RIOK1: variants seen among roughly 807,000 people sequenced by gnomAD.
RIOK1 encodes the protein RIO kinase 1.
Under a neutral mutation model 73.5 loss-of-function variants are expected in RIOK1, and 66 were observed. The ratio of observed to expected loss-of-function variants is 0.90; its 90% CI spans 0.74 to 1.10. The LOEUF is 1.10. Among genes scored for constraint, RIOK1 ranks in the 50% least tolerant of loss-of-function variants. RIOK1 has a pLI of 0.00. For missense variants in RIOK1, 658 were observed against 699.8 expected (o/e 0.94, Z 0.67); for synonymous variants, 224 against 226.8 (o/e 0.99, Z 0.11).
Position 7,404,352 on chromosome 6 carries a change from T to G in RIOK1, c.855-66T>G, listed in dbSNP as rs1293769084. ...ATGAGTTGTAGAAGAGAAGGGCATG[T>G]AACAGTATAGTAAGAAGCAAGAAAA... On this transcript the variant is annotated intron_variant, in intron 9 of 16. Transcript: ENST00000379834. 3 of 1,567,834 alleles carry G rather than the reference T, an allele frequency of 1.9e-6. No individual in the cohort carries two copies. In the Admixed American group the frequency reaches 5.1e-5, roughly 26 times the overall value.
At chr6:7,390,200 A>AC in intron 1 of RIOK1, 127 bp downstream of exon 1, 1 of 753,544 alleles carries the variant, frequency 1.3e-6, no homozygotes, top group East Asian at 3.0e-5. Context: ...TCTCTTGACA[A>AC]CCCTTTGCCT....
chr6:7,409,273 G>A (rs1761829367), intron 12 of RIOK1, among the ~76,000 whole-genome samples: 1 of 148,534 alleles, frequency 6.7e-6, no homozygotes, highest in Admixed American at 6.8e-5. Flanking sequence ...GTGTGTGTTT[G>A]AGATGGAGTC....
chr6:7,393,335 G>A (rs776846919), intron 2 of RIOK1, 32 bp downstream of exon 2: 1 of 1,568,298 alleles, frequency 6.4e-7, no homozygotes, highest in African/African-American at 1.3e-5. Context: ...ACATCTTTAT[G>A]TAGTCTGCTT....
intron 1 of RIOK1, among the ~76,000 whole-genome samples, chr6:7,392,261 A>AG (rs1491037036): frequency 1.5e-4 from 21 of 138,312 alleles, no homozygotes; most frequent in Middle Eastern, 3.6e-3. Flanking sequence ...AAAAAAAAAA[A>AG]AGCCCTTACT....
rs1762045285 is a variant in RIOK1, at chr6:7,417,788, T to C, written c.*347T>C. 6.4e-6 allele frequency: 1 copy of C among 155,546 alleles called. No individual in the cohort carries two copies. Among genetic ancestry groups the C allele is most frequent in the South Asian group, 2.0e-4 (1 of 4,906 alleles). 9.6% of individuals were successfully genotyped at this position (155,546 alleles called of 1,614,324 possible). A position where few individuals can be genotyped will look rare whatever the true frequency, so the allele number is the denominator to read the frequency against. The stretch of plus-strand genomic sequence containing the variant: ...TCAACATCTGTAACTCTTACATGAG[T>C]GTCCAGAGGCACTCATGGGAAAATT... On this transcript the variant is annotated 3_prime_UTR_variant, in exon 17 of 17. Coordinates refer to ENST00000379834, the MANE Select transcript of RIOK1 (RefSeq NM_031480.3).
chr6:7,390,441 A>C (rs1005180739), intron 1 of RIOK1, among the ~76,000 whole-genome samples: 9 of 152,246 alleles, frequency 5.9e-5, no homozygotes, highest in Admixed American at 2.0e-4. Flanking sequence ...CGGAGGTAAC[A>C]AGAAGAACCA....
chr6:7,404,886 C>T (rs890641253), intron 10 of RIOK1, 32 bp from the exon 11 acceptor site: 2 of 1,530,806 alleles, frequency 1.3e-6, no homozygotes, highest in Non-Finnish European at 1.8e-6. Context: ...AAAGTAATAC[C>T]ATCCCACAGC....
chr6:7,406,419 A>T (rs984448988), intron 12 of RIOK1, among the ~76,000 whole-genome samples: 2 of 152,224 alleles, frequency 1.3e-5, no homozygotes, highest in African/African-American at 4.8e-5. Context: ...ATTGTGGTAC[A>T]AACTATCACC....
At chr6:7,410,502 GTTTT>G in intron 13 of RIOK1, 51 bp downstream of exon 13, 1 of 1,002,738 alleles carries the variant, frequency 1.0e-6, no homozygotes, top group Admixed American at 2.6e-5. Context: ...TGTTTTGAGG[GTTTT>G]TTTTTTTATG....
At position 7,417,584 on chromosome 6, in the gene RIOK1, A is replaced by G. The variant is rs920293832; in HGVS notation, c.*143A>G. 4.0e-6 allele frequency: 2 copies of G among 504,618 alleles called. No individual in the cohort carries two copies. The highest frequency in any genetic ancestry group is 3.8e-5 in the South Asian group (1 of 26,154). 31.3% of individuals were successfully genotyped at this position (504,618 alleles called of 1,614,324 possible). Reference sequence around the variant, plus strand: ...TGTGAAGACGGATTCAAATGTTTTCATGTAACTATGTAAAAAGCTCTAAGC... The same window carrying G: ...TGTGAAGACGGATTCAAATGTTTTCGTGTAACTATGTAAAAAGCTCTAAGC... On this transcript the variant is annotated 3_prime_UTR_variant, in exon 17 of 17. Coordinates refer to ENST00000379834, the MANE Select transcript of RIOK1 (RefSeq NM_031480.3).
chr6:7,408,897 T>C (rs1016184071), intron 12 of RIOK1, among the ~76,000 whole-genome samples: 9 of 150,160 alleles, frequency 6.0e-5, no homozygotes, highest in Admixed American at 5.3e-4. Context: ...AATTTTGTAT[T>C]TTTAGTAGAG....
In RIOK1 at chr6:7,403,943, T is replaced by C; in HGVS notation, c.770T>C (p.Leu257Pro). ...TTTTATTTGTTATAATATCACAGGCTAAACACAGCAGAGATACCATGTCCA... is the reference window on the plus strand; with the variant it reads ...TTTTATTTGTTATAATATCACAGGCCAAACACAGCAGAGATACCATGTCCA... Reference protein sequence around the residue: ...AEKEMRNLIRLNTAEIPCPEP... With the variant: ...AEKEMRNLIRPNTAEIPCPEP... Residue 257 changes from leucine (L) to proline (P), a missense_variant and splice_region_variant, in exon 9 of 17, where the codon CTA (leucine) becomes CCA (proline). Coordinates refer to ENST00000379834, the MANE Select transcript of RIOK1 (RefSeq NM_031480.3). The C allele has an allele frequency of 6.2e-7, 1 of 1,609,194 alleles. No individual in the cohort carries two copies.
Position 7,415,369 on chromosome 6 carries a change from G to A in RIOK1, c.1596+979G>A, listed in dbSNP as rs144541951. Reference sequence around the variant, plus strand: ...TAGTGAGCTGATCATGCCACTGCACGCCAGCCTGGGTGACAGAGTGAGATT... The same window carrying A: ...TAGTGAGCTGATCATGCCACTGCACACCAGCCTGGGTGACAGAGTGAGATT... On this transcript the variant is annotated intron_variant, in intron 16 of 16. Transcript: ENST00000379834. Among the ~76,000 whole-genome samples the A allele has an allele frequency of 4.1e-3, 618 of 152,102 alleles. 3 individuals are homozygous for A. The highest frequency in any genetic ancestry group is 0.014 in the African/African-American group (574 of 41,502).
chr6:7,410,155 C>T (rs1311175258), intron 12 of RIOK1, among the ~76,000 whole-genome samples: 1 of 152,006 alleles, frequency 6.6e-6, no homozygotes, highest in African/African-American at 2.4e-5. Context: ...GCTAGGGATC[C>T]CCCTAGGCTA....
Position 7,389,867 on chromosome 6 carries a change from T to G in RIOK1, c.-136T>G. 1 of 633,608 alleles carries G rather than the reference T, an allele frequency of 1.6e-6. No individual in the cohort carries two copies. The highest frequency in any genetic ancestry group is 2.8e-6 in the Non-Finnish European group (1 of 361,886). The allele number at this position is 633,608 out of a possible 1,614,324, so 39.2% of individuals were successfully genotyped here. On this transcript the variant is annotated 5_prime_UTR_variant, in exon 1 of 17. Transcript: ENST00000379834. ...GTCGGTCCCGTTTTCCCGTCGCACGTGGTGGCCACTGTTGGCTTCTGAATG... is the reference window on the plus strand; with the variant it reads ...GTCGGTCCCGTTTTCCCGTCGCACGGGGTGGCCACTGTTGGCTTCTGAATG...
chr6:7,392,793 G>A, intron 1 of RIOK1: 1 of 268,624 alleles, frequency 3.7e-6, no homozygotes. Context: ...ACTGGTCTGA[G>A]TTGTTTATTC....
chr6:7,408,873 C>T (rs934407131), intron 12 of RIOK1, among the ~76,000 whole-genome samples: 14 of 149,482 alleles, frequency 9.4e-5, no homozygotes, highest in African/African-American at 3.5e-4. Context: ...AGGCATGCGC[C>T]CCCATGCCCA....
At chr6:7,403,262 T>C (rs1014718291) in intron 8 of RIOK1, among the ~76,000 whole-genome samples, 4 of 152,246 alleles carry the variant, frequency 2.6e-5, no homozygotes, top group African/African-American at 4.8e-5. Context: ...ATCAGATGGT[T>C]ATAATGCTCT....
intron 14 of RIOK1, among the ~76,000 whole-genome samples, chr6:7,412,567 C>T (rs1007581496): frequency 2.0e-5 from 3 of 151,790 alleles, no homozygotes; most frequent in East Asian, 3.9e-4. Flanking sequence ...AGGAGAATCT[C>T]CTGAACCCCA....
Sources: allele counts gnomAD v4.1 joint callset (sites outside exome capture counted in the v4.1 genomes callset), GRCh38; gene constraint gnomAD v4.1.1; transcripts MANE v1.5; gene names NCBI Gene and HGNC (gene_info 2026-07-23, HGNC 2026-07-21).